The following USF3 variants were observed in gnomAD, a reference collection of about 807,000 sequenced individuals.
The protein encoded by USF3 is basic helix-loop-helix domain-containing protein USF3.
Under a neutral mutation model 157.5 loss-of-function variants are expected in USF3, and 29 were observed. The observed-to-expected ratio is 0.18, with a 90% confidence interval of 0.14 to 0.25. USF3 has a LOEUF of 0.25. Among genes scored for constraint, USF3 ranks in the 10% least tolerant of loss-of-function variants. The probability of loss-of-function intolerance (pLI) is 1.00; values close to 1 mark genes in which losing one functional copy is unlikely to be tolerated. For missense variants in USF3, 2,381 were observed against 2,667.6 expected (o/e 0.89, Z 2.37); for synonymous variants, 893 against 941.4 (o/e 0.95, Z 0.94).
rs941246183 is a variant in USF3 at position 113,660,127 on chromosome 3, G to A, written c.1555C>T (p.Pro519Ser). 2 of 1,614,214 alleles carry A rather than the reference G, an allele frequency of 1.2e-6. No homozygotes were observed. Among genetic ancestry groups the A allele is most frequent in the African/African-American group, 2.7e-5 (2 of 75,064 alleles). The change falls in exon 7 of 7, where the codon CCT (proline) becomes TCT (serine). Residue 519 changes from proline (P) to serine (S), a missense_variant. Physicochemically the swap from Pro to Ser is moderately conservative, Grantham distance 74. This residue lies in a region of USF3 where 1,435 missense variants were observed against 1,550.9 expected (regional missense o/e 0.93). Transcript: ENST00000316407. ...LIAQPQVKSQ[P>S]PKNILPLNSA... is the part of the protein sequence containing the mutation. ...TTCAGTGGAAGGATATTTTTGGGAG[G>A]CTGAGATTTAACTTGTGGCTGGGCA...
Position 113,655,744 on chromosome 3 carries a change from G to A in USF3, c.5938C>T (p.His1980Tyr). 1.2e-6 allele frequency: 2 copies of A among 1,614,018 alleles called. No homozygotes were observed. The highest frequency in any genetic ancestry group is 2.2e-5 in the East Asian group (1 of 44,880). Residue 1980 changes from histidine (H) to tyrosine (Y), a missense_variant, in exon 7 of 7, where the codon CAT (histidine) becomes TAT (tyrosine). This residue lies in a region of USF3 where 770 missense variants were observed against 824.2 expected (regional missense o/e 0.93). Coordinates refer to ENST00000316407, the MANE Select transcript of USF3 (RefSeq NM_001009899.4). ...ANSSVPQRSR[H>Y]PLQDSSGSKI... Reference sequence around the variant, plus strand: ...GAACCACTGCTGTCTTGCAGGGGATGCCTTGATCTCTGGGGAACTGAAGAA... The same window carrying A: ...GAACCACTGCTGTCTTGCAGGGGATACCTTGATCTCTGGGGAACTGAAGAA...
chr3:113,671,525 G>C (rs1707152125), intron 4 of USF3, among the ~76,000 whole-genome samples: 2 of 152,100 alleles, frequency 1.3e-5, no homozygotes, highest in South Asian at 4.1e-4. Flanking sequence ...AAGGATAGGA[G>C]ACATTATACA....
At chr3:113,681,428 A>G (rs1417590158) in intron 1 of USF3, among the ~76,000 whole-genome samples, 3 of 152,096 alleles carry the variant, frequency 2.0e-5, no homozygotes, top group Non-Finnish European at 4.4e-5. Flanking sequence ...CTAGTCACTC[A>G]GGAGCATATT....
intron 6 of USF3, among the ~76,000 whole-genome samples, chr3:113,662,328 T>C (rs922122608): frequency 4.6e-5 from 7 of 152,222 alleles, no homozygotes; most frequent in Non-Finnish European, 8.8e-5. Context: ...AGTGAGGGCA[T>C]TGTCACAGCC....
intron 1 of USF3, among the ~76,000 whole-genome samples, chr3:113,680,744 T>G (rs1435554311): frequency 6.7e-6 from 1 of 149,564 alleles, no homozygotes; most frequent in South Asian, 2.1e-4. Context: ...GAGGTTGCAG[T>G]GAGCCAAGAT....
rs748271427 is a variant in USF3 at position 113,657,204 on chromosome 3, T to C, written c.4478A>G (p.His1493Arg). ...AGAGCTCTCTGCATGAGGTACATGA[T>C]GCTGCATTTGATATAAGTGATGCCT... Reference protein sequence around the residue: ...RERHHLYQMQHHVPHAESSVH... With the variant: ...RERHHLYQMQRHVPHAESSVH... Residue 1493 changes from histidine to arginine, a missense_variant, in exon 7 of 7, where the codon CAT (histidine) becomes CGT (arginine). Physicochemically the swap from His to Arg is conservative, Grantham distance 29 (BLOSUM62 0). This residue lies in a region of USF3 where 50 missense variants were observed against 79.7 expected (regional missense o/e 0.63). Transcript: ENST00000316407. The C allele has an allele frequency of 6.2e-7, 1 of 1,614,208 alleles. No homozygotes were observed. The highest frequency in any genetic ancestry group is 8.5e-7 in the Non-Finnish European group (1 of 1,180,038).
In USF3 at chr3:113,657,242, C is replaced by T. The variant is rs1947378641; in HGVS notation, c.4440G>A (p.Gly1480=). 2.5e-6 allele frequency: 4 copies of T among 1,605,422 alleles called. No homozygotes were observed. The highest frequency in any genetic ancestry group is 2.5e-6 in the Non-Finnish European group (3 of 1,177,922). ...QQQQQQQQQA[G]QLRERHHLYQ... ...ATAAGTGATGCCTCTCTCTTAACTG[C>T]CCTGCTTGTTGTTGTTGCTGTTGCT... The change falls in exon 7 of 7, where the codon GGG becomes GGA. Residue 1480 remains glycine, a synonymous_variant. Transcript: ENST00000316407.
chr3:113,696,499 C>A lies in USF3; in HGVS notation c.-264G>T, dbSNP rs1449798760. 1.3e-5 allele frequency: 2 copies of A among 152,156 alleles called. No individual in the cohort carries two copies. Among genetic ancestry groups the A allele is most frequent in the African/African-American group, 4.8e-5 (2 of 41,394 alleles). 9.4% of individuals were successfully genotyped at this position (152,156 alleles called of 1,614,324 possible). On this transcript the variant is annotated 5_prime_UTR_variant, in exon 1 of 7. Transcript: ENST00000316407. ...CGAATCTCTCCGTCCGCGGCCACCG[C>A]CTGCTCCTCCGGGGCTGGGGGAGCG...
rs772970409 is a variant in USF3, at chr3:113,658,866, G to C, written c.2816C>G (p.Ala939Gly). The C allele has an allele frequency of 6.2e-6, 10 of 1,614,226 alleles. No individual in the cohort carries two copies. In the South Asian group the frequency reaches 9.9e-5, roughly 16 times the overall value. The change falls in exon 7 of 7, where the codon GCT becomes GGT. Residue 939 changes from alanine (A) to glycine (G), a missense_variant. This residue lies in a region of USF3 where 1,435 missense variants were observed against 1,550.9 expected (regional missense o/e 0.93). Coordinates refer to ENST00000316407, the MANE Select transcript of USF3 (RefSeq NM_001009899.4). ...LALSDAAKPCASANVLIPSPS... is the reference protein window; with the variant it reads ...LALSDAAKPCGSANVLIPSPS... ...AGATGGAATCAATACATTGGCTGAA[G>C]CGCAGGGTTTGGCAGCATCTGATAA... is the stretch of plus-strand genomic sequence containing the variant.
rs777644126 is a variant in USF3, at chr3:113,658,141, G to A, written c.3541C>T (p.Pro1181Ser). 8 of 1,614,036 alleles carry A rather than the reference G, an allele frequency of 5.0e-6. No homozygotes were observed. Among genetic ancestry groups the A allele is most frequent in the Admixed American group, 3.3e-5 (2 of 60,006 alleles). The change falls in exon 7 of 7, where the codon CCT becomes TCT. Residue 1181 changes from proline (P) to serine (S), a missense_variant. This residue lies in a region of USF3 where 1,435 missense variants were observed against 1,550.9 expected (regional missense o/e 0.93). Coordinates refer to ENST00000316407, the MANE Select transcript of USF3 (RefSeq NM_001009899.4). ...GCCTGTCCTGTGCCACTCTCTTTAG[G>A]TATCTGTGATTTGAAGGGTGGGTCT... Reference protein sequence around the residue: ...EGDPPFKSQIPKESGTGQAEA... With the variant: ...EGDPPFKSQISKESGTGQAEA...
rs1005868381 is a variant in USF3, at chr3:113,651,709, T to C, written c.*3235A>G. 1.3e-5 allele frequency: 2 copies of C among 152,230 alleles called. No homozygotes were observed. The highest frequency in any genetic ancestry group is 4.8e-5 in the African/African-American group (2 of 41,456). 9.4% of individuals were successfully genotyped at this position (152,230 alleles called of 1,614,324 possible). On this transcript the variant is annotated 3_prime_UTR_variant, in exon 7 of 7. Coordinates refer to ENST00000316407, the MANE Select transcript of USF3 (RefSeq NM_001009899.4). ...AATAAGGGTACTATGGTCTGAACACTTTCAGAATTAAGCCATGTATGAACT... is the reference window on the plus strand; with the variant it reads ...AATAAGGGTACTATGGTCTGAACACCTTCAGAATTAAGCCATGTATGAACT...
chr3:113,658,280 AG>A lies in USF3; in HGVS notation c.3401del (p.Ala1134ValfsTer24). 6.2e-7 allele frequency: 1 copy of A among 1,614,158 alleles called. No individual in the cohort carries two copies. The highest frequency in any genetic ancestry group is 8.5e-7 in the Non-Finnish European group (1 of 1,180,022). On this transcript the variant is annotated frameshift_variant, in exon 7 of 7. Coordinates refer to ENST00000316407, the MANE Select transcript of USF3 (RefSeq NM_001009899.4). LOFTEE classifies it high-confidence loss of function. Reference protein sequence around the residue: ...CTFVEQTDIVALAARAIFDQE... With the variant: ...CTFVEQTDIVXLAARAIFDQE... ...GGTCAAAAATAGCTCTTGCTGCAAG[AG>A]CTACTATATCAGTTTGCTCTACAAA...
chr3:113,651,725 T>C lies in USF3; in HGVS notation c.*3219A>G, dbSNP rs776033488. ...TCTGAACACTTTCAGAATTAAGCCA[T>C]GTATGAACTGAAGTCTTACATACAC... is the stretch of plus-strand genomic sequence containing the variant. On this transcript the variant is annotated 3_prime_UTR_variant, in exon 7 of 7. Coordinates refer to ENST00000316407, the MANE Select transcript of USF3 (RefSeq NM_001009899.4). The C allele has an allele frequency of 3.3e-5, 5 of 152,232 alleles. No homozygotes were observed. The highest frequency in any genetic ancestry group is 3.8e-4 in the East Asian group (2 of 5,198). 9.4% of individuals were successfully genotyped at this position (152,232 alleles called of 1,614,324 possible). A position where few individuals can be genotyped will look rare whatever the true frequency, so the allele number is the denominator to read the frequency against.
intron 4 of USF3, among the ~76,000 whole-genome samples, chr3:113,672,512 C>T (rs910042314): frequency 2.7e-5 from 4 of 150,030 alleles, no homozygotes; most frequent in African/African-American, 9.8e-5. Context: ...ATTTATACAG[C>T]AAAAAAAAAT....
In USF3 at chr3:113,657,072, G is replaced by A; in HGVS notation, c.4610C>T (p.Ser1537Phe). 1 of 1,614,126 alleles carries A rather than the reference G, an allele frequency of 6.2e-7. No homozygotes were observed. The highest frequency in any genetic ancestry group is 8.5e-7 in the Non-Finnish European group (1 of 1,180,010). Residue 1537 changes from serine to phenylalanine, a missense_variant, in exon 7 of 7, where the codon TCC (serine) becomes TTC (phenylalanine). Transcript: ENST00000316407. ...AGTTCCATGGTGCTTTGGTTGTAAG[G>A]AAAGCTGAGAGGTCTGGGTGCCCTG... ...LVQGTQTSQL[S>F]LQPKHHGTDQ...
rs1947438365 is a variant in USF3, at chr3:113,659,545, T to G, written c.2137A>C (p.Ser713Arg). The G allele has an allele frequency of 1.5e-5, 24 of 1,614,082 alleles. No homozygotes were observed. Among genetic ancestry groups the G allele is most frequent in the Non-Finnish European group, 1.9e-5 (23 of 1,180,026 alleles). The stretch of plus-strand genomic sequence containing the variant: ...ATCTGTGATATGCTTTGATTGAGGC[T>G]GGCCAAAGCACCAAATGTATTCAGG... ...VALNTFGALA[S>R]LNQSISQMAG... The change falls in exon 7 of 7, where the codon AGC becomes CGC. Residue 713 changes from serine to arginine, a missense_variant. Physicochemically the swap from Ser to Arg is moderately radical, Grantham distance 110. Coordinates refer to ENST00000316407, the MANE Select transcript of USF3 (RefSeq NM_001009899.4).
intron 1 of USF3, among the ~76,000 whole-genome samples, chr3:113,689,189 C>A (rs1409763038): frequency 2.0e-5 from 3 of 152,202 alleles, no homozygotes; most frequent in Non-Finnish European, 4.4e-5. Flanking sequence ...TACTGGCTAT[C>A]TGGTTTTGAA....
At position 113,652,637 on chromosome 3, in the gene USF3, C is replaced by G. The variant is rs1947284176; in HGVS notation, c.*2307G>C. The G allele has an allele frequency of 6.6e-6, 1 of 151,512 alleles. No individual in the cohort carries two copies. Among genetic ancestry groups the G allele is most frequent in the South Asian group, 2.1e-4 (1 of 4,834 alleles). 9.4% of individuals were successfully genotyped at this position (151,512 alleles called of 1,614,324 possible). On this transcript the variant is annotated 3_prime_UTR_variant, in exon 7 of 7. Transcript: ENST00000316407. ...CTGGAGTTAACTGCTCTGACCAACC[C>G]TTAGGAAGCTTTTTAGGATTAAAAA...
chr3:113,677,124 AC>A (rs1023051005), intron 2 of USF3, among the ~76,000 whole-genome samples, 157 bp downstream of exon 2: 5 of 152,080 alleles, frequency 3.3e-5, no homozygotes, highest in African/African-American at 1.2e-4. Flanking sequence ...TGTCATCAAG[AC>A]CCATGTCCAG....
Sources: gnomAD v4.1 joint callset for allele counts (sites outside exome capture counted in the v4.1 genomes callset) on GRCh38, gnomAD v4.1.1 for gene constraint, gnomAD v4.1.1 regional missense constraint, MANE v1.5 for transcripts, NCBI Gene and HGNC (gene_info 2026-07-23, HGNC 2026-07-21) for gene names.